Variants in MYRIP observed in about 807,000 individuals in gnomAD.
MYRIP encodes rab effector MyRIP.
A neutral mutation model predicts 98.0 loss-of-function variants in MYRIP; 49 were observed. The ratio of observed to expected loss-of-function variants is 0.50; its 90% CI spans 0.40 to 0.63. The LOEUF (loss-of-function observed/expected upper bound fraction) is 0.63, where lower values mean the gene tolerates loss of function less well. Ranked by LOEUF, MYRIP falls within the 30% of genes least tolerant of loss-of-function variation. The probability of loss-of-function intolerance (pLI) is 0.00; values close to 1 mark genes in which losing one functional copy is unlikely to be tolerated. For missense variants in MYRIP, 1,004 were observed against 1,058.2 expected, an observed-to-expected ratio of 0.95 and a Z score of 0.71; for synonymous variants, 404 against 409.5, an observed-to-expected ratio of 0.99 and a Z score of 0.16.
intron 2 of MYRIP, among the ~76,000 whole-genome samples, chr3:40,006,797 G>C (rs955847484): frequency 4.6e-5 from 7 of 152,238 alleles, no homozygotes; most frequent in Non-Finnish European, 1.0e-4. Flanking sequence ...TTGTTGAGCT[G>C]AATGGAAAAC....
chr3:39,964,918 A>G (rs527483024), intron 2 of MYRIP, among the ~76,000 whole-genome samples: 1 of 152,262 alleles, frequency 6.6e-6, no homozygotes, highest in South Asian at 2.1e-4. Context: ...TCATTTTGAT[A>G]CAGACATTTT....
intron 2 of MYRIP, among the ~76,000 whole-genome samples, chr3:40,042,393 C>CA (rs1221574138): frequency 6.7e-6 from 1 of 149,880 alleles, no homozygotes; most frequent in Non-Finnish European, 1.5e-5. Context: ...TCAAGCAAGA[C>CA]ATAAAGTCCA....
chr3:39,935,916 G>A (rs1944646755), intron 2 of MYRIP, among the ~76,000 whole-genome samples: 1 of 152,064 alleles, frequency 6.6e-6, no homozygotes, highest in Non-Finnish European at 1.5e-5. Context: ...ATATAGGCAT[G>A]ATATACTTTA....
intron 2 of MYRIP, among the ~76,000 whole-genome samples, chr3:39,951,893 C>T (rs145998207): frequency 2.6e-4 from 39 of 152,124 alleles, no homozygotes; most frequent in East Asian, 7.7e-4. Flanking sequence ...TTTTTAAACG[C>T]GCTTTATGAT....
chr3:39,823,296 G>A (rs1378361159), intron 1 of MYRIP, among the ~76,000 whole-genome samples: 3 of 152,142 alleles, frequency 2.0e-5, no homozygotes, highest in African/African-American at 7.2e-5. Flanking sequence ...TTACAGGCGT[G>A]AGCCACCGTG....
intron 2 of MYRIP, among the ~76,000 whole-genome samples, chr3:40,034,054 C>T (rs1249720184): frequency 6.6e-6 from 1 of 152,072 alleles, no homozygotes; most frequent in East Asian, 1.9e-4. Context: ...TTCCTTACAC[C>T]TTATACAAAA....
At chr3:39,992,454 G>C (rs1198763314) in intron 2 of MYRIP, among the ~76,000 whole-genome samples, 1 of 152,176 alleles carries the variant, frequency 6.6e-6, no homozygotes, top group Non-Finnish European at 1.5e-5. Flanking sequence ...CTACCTTGCA[G>C]CTTTTTCAAA....
chr3:39,809,421 G>T (rs1388839825), upstream of MYRIP, among the ~76,000 whole-genome samples: 8 of 147,896 alleles, frequency 5.4e-5, no homozygotes, highest in East Asian at 1.6e-3. Flanking sequence ...TGCCGCCCGC[G>T]CGCCCGAGGT....
At chr3:40,204,039 T>A (rs375755012) in intron 10 of MYRIP, among the ~76,000 whole-genome samples, 3,232 of 9,794 alleles carry the variant, frequency 0.33, 1,071 homozygotes, top group East Asian at 0.5. Context: ...ATATTATATA[T>A]TATATATAAT....
At chr3:40,229,539 G>A (rs1403999200) in intron 11 of MYRIP, among the ~76,000 whole-genome samples, 6 of 152,178 alleles carry the variant, frequency 3.9e-5, no homozygotes, top group Non-Finnish European at 7.3e-5. Flanking sequence ...CTGTCTTCAC[G>A]GAGGTTGACA....
At chr3:40,068,497 T>A (rs1442743772) in intron 3 of MYRIP, among the ~76,000 whole-genome samples, 1 of 152,236 alleles carries the variant, frequency 6.6e-6, no homozygotes, top group South Asian at 2.1e-4. Flanking sequence ...ATGTATTGTA[T>A]ATAGTTTTCT....
intron 1 of MYRIP, among the ~76,000 whole-genome samples, chr3:39,889,689 A>T (rs1943429177): frequency 6.6e-6 from 1 of 152,186 alleles, no homozygotes; most frequent in African/African-American, 2.4e-5. Context: ...TAATAATTAA[A>T]AAAAGACAAT....
In MYRIP at chr3:40,030,586, T is replaced by A. The variant is rs143373745; in HGVS notation, c.111-13464T>A. Among the ~76,000 whole-genome samples the A allele has an allele frequency of 1.5e-3, 221 of 152,284 alleles. 1 individual carries two copies. Among genetic ancestry groups the A allele is most frequent in the African/African-American group, 5.1e-3 (210 of 41,572 alleles). ...AAATTAGAAACAATGTAAATGTTTA[T>A]GGTGAATGAATGGATAAATAAAATG... is the stretch of plus-strand genomic sequence containing the variant. On this transcript the variant is annotated intron_variant, in intron 2 of 16. Coordinates refer to ENST00000302541, the MANE Select transcript of MYRIP (RefSeq NM_015460.4).
chr3:39,991,991 T>C (rs1226384168), intron 2 of MYRIP, among the ~76,000 whole-genome samples: 1 of 152,130 alleles, frequency 6.6e-6, no homozygotes, highest in Non-Finnish European at 1.5e-5. Flanking sequence ...TGTCACTCAG[T>C]GGAAAAACCA....
chr3:40,158,123 G>C (rs1442668142), intron 4 of MYRIP, among the ~76,000 whole-genome samples: 1 of 152,006 alleles, frequency 6.6e-6, no homozygotes, highest in Non-Finnish European at 1.5e-5. Context: ...GCTTTCTCTT[G>C]TGGGCATTTA....
chr3:39,968,123 TGTCTTTGCCGTGAA>T (rs1210044126), intron 2 of MYRIP, among the ~76,000 whole-genome samples: 1 of 152,178 alleles, frequency 6.6e-6, no homozygotes, highest in African/African-American at 2.4e-5. Context: ...TTTCTTTTGG[TGTCTTTGCCGTGAA>T]ATCTTTGCCC....
At chr3:40,142,603 C>T (rs1393089118) in intron 3 of MYRIP, among the ~76,000 whole-genome samples, 2 of 152,094 alleles carry the variant, frequency 1.3e-5, no homozygotes, top group Non-Finnish European at 2.9e-5. Context: ...GCTGGGACTA[C>T]AGGCATGTGC....
intron 16 of MYRIP, among the ~76,000 whole-genome samples, chr3:40,254,103 G>C (rs1953487543): frequency 6.6e-6 from 1 of 152,204 alleles, no homozygotes; most frequent in African/African-American, 2.4e-5. Flanking sequence ...AGAAAGGACT[G>C]TTGGCTCTTT....
At chr3:40,098,623 G>A (rs1416994880) in intron 3 of MYRIP, among the ~76,000 whole-genome samples, 1 of 151,972 alleles carries the variant, frequency 6.6e-6, no homozygotes, top group Non-Finnish European at 1.5e-5. Flanking sequence ...TCACAATAAA[G>A]GCATATGCAT....
Sources: allele counts gnomAD v4.1 joint callset (sites outside exome capture counted in the v4.1 genomes callset), GRCh38; gene constraint gnomAD v4.1.1; transcripts MANE v1.5; gene names NCBI Gene and HGNC (gene_info 2026-07-23, HGNC 2026-07-21).